PPP1R13B: variants seen among roughly 807,000 people sequenced by gnomAD.
The protein encoded by PPP1R13B is apoptosis-stimulating of p53 protein 1.
In PPP1R13B, 44 loss-of-function variants were observed where a neutral mutation model predicts 119.8. The ratio of observed to expected loss-of-function variants is 0.37; its 90% CI spans 0.29 to 0.47. The LOEUF (loss-of-function observed/expected upper bound fraction) is 0.47, where lower values mean the gene tolerates loss of function less well. Among genes scored for constraint, PPP1R13B ranks in the 20% least tolerant of loss-of-function variants. PPP1R13B has a pLI of 0.99. For missense variants in PPP1R13B, 1,227 were observed against 1,413.5 expected, an observed-to-expected ratio of 0.87 and a Z score of 2.12; for synonymous variants, 542 against 561.5, an observed-to-expected ratio of 0.97 and a Z score of 0.49.
intron 1 of PPP1R13B, among the ~76,000 whole-genome samples, chr14:103,843,105 C>T (rs1308485025): frequency 2.0e-5 from 3 of 152,182 alleles, no homozygotes; most frequent in South Asian, 2.1e-4. Flanking sequence ...GGTGCGGTGG[C>T]TCACGCCTGT....
intron 1 of PPP1R13B, among the ~76,000 whole-genome samples, chr14:103,825,130 G>T (rs551729445): frequency 6.6e-6 from 1 of 152,156 alleles, no homozygotes; most frequent in East Asian, 1.9e-4. Context: ...TATTGTAATT[G>T]CTTTGGGGCA....
chr14:103,832,780 G>C (rs773000567), intron 1 of PPP1R13B, among the ~76,000 whole-genome samples: 8 of 152,112 alleles, frequency 5.3e-5, no homozygotes, highest in African/African-American at 1.7e-4. Flanking sequence ...GTCAGAGTTC[G>C]AGACCAGCCT....
intron 1 of PPP1R13B, among the ~76,000 whole-genome samples, chr14:103,827,196 T>C (rs12891399): frequency 0.29 from 43,820 of 149,994 alleles, 6,766 homozygotes; most frequent in Non-Finnish European, 0.34. Flanking sequence ...TGGTGGCAGG[T>C]GTGGTGGCAC....
chr14:103,779,751 C>T (rs917149824), intron 3 of PPP1R13B, among the ~76,000 whole-genome samples: 5 of 152,044 alleles, frequency 3.3e-5, no homozygotes, highest in South Asian at 2.1e-4. Context: ...CGCACCATTG[C>T]GCTCCAGCCC....
At chr14:103,811,769 C>A (rs1376977842) in intron 1 of PPP1R13B, among the ~76,000 whole-genome samples, 1 of 151,412 alleles carries the variant, frequency 6.6e-6, no homozygotes, top group African/African-American at 2.4e-5. Flanking sequence ...CTCGCTCTGT[C>A]ACCCAGGCCG....
rs754068567 is a variant in PPP1R13B at position 103,740,453 on chromosome 14, C to T, written c.1963G>A (p.Ala655Thr). The T allele has an allele frequency of 5.5e-5, 89 of 1,607,028 alleles. No individual in the cohort carries two copies. Among genetic ancestry groups the T allele is most frequent in the Non-Finnish European group, 7.2e-5 (85 of 1,175,608 alleles). Residue 655 changes from alanine (A) to threonine (T), a missense_variant, in exon 12 of 17, where the codon GCC (alanine) becomes ACC (threonine). Coordinates refer to ENST00000202556, the MANE Select transcript of PPP1R13B (RefSeq NM_015316.3). This position sits in a 1 kb window ranked among gnomAD's most constrained non-coding sequence, Gnocchi z 4.6. ...TEKEPEQDGP[A>T]APADGSTVES... is the part of the protein sequence containing the mutation. ...ACGGTGCTGCCATCTGCGGGGGCGG[C>T]GGGGCCATCCTGCTCAGGCTCTTTC...
At chr14:103,747,640 G>A (rs2084419979) in intron 8 of PPP1R13B, among the ~76,000 whole-genome samples, 1 of 152,008 alleles carries the variant, frequency 6.6e-6, no homozygotes, top group Non-Finnish European at 1.5e-5. Flanking sequence ...CACACAATTT[G>A]TAGTCTTTTA....
chr14:103,767,020 G>A (rs1201628102), intron 4 of PPP1R13B, among the ~76,000 whole-genome samples: 3 of 152,162 alleles, frequency 2.0e-5, no homozygotes, highest in African/African-American at 4.8e-5. Context: ...TTTATTTTTG[G>A]AAGATTATGA....
chr14:103,740,568 C>A lies in PPP1R13B; in HGVS notation c.1848G>T (p.Ser616=), dbSNP rs778338882. The A allele has an allele frequency of 1.9e-6, 3 of 1,539,044 alleles. No homozygotes were observed. The change falls in exon 12 of 17, where the codon TCG becomes TCT. Residue 616 remains serine, a synonymous_variant. Coordinates refer to ENST00000202556, the MANE Select transcript of PPP1R13B (RefSeq NM_015316.3). This position sits in a 1 kb window ranked among gnomAD's most constrained non-coding sequence, Gnocchi z 4.6. ...KAVYGKPVLP[S]GSTSPSPLPF... Reference sequence around the variant, plus strand: ...GCAGCGGCGATGGAGAGGTTGAACCCGAAGGTAAAACGGGCTTACCATACA... The same window carrying A: ...GCAGCGGCGATGGAGAGGTTGAACCAGAAGGTAAAACGGGCTTACCATACA...
intron 4 of PPP1R13B, among the ~76,000 whole-genome samples, chr14:103,771,248 G>C (rs2085062418): frequency 6.6e-6 from 1 of 152,060 alleles, no homozygotes; most frequent in Non-Finnish European, 1.5e-5. Flanking sequence ...TTTCAGGAAA[G>C]GCCTGACTTT....
chr14:103,735,003 G>C lies in PPP1R13B; in HGVS notation c.*151C>G. 1.1e-6 allele frequency: 1 copy of C among 887,332 alleles called. No homozygotes were observed. Among genetic ancestry groups the C allele is most frequent in the South Asian group, 1.4e-5 (1 of 70,574 alleles). The allele number at this position is 887,332 out of a possible 1,614,324, so 55.0% of individuals were successfully genotyped here. A position where few individuals can be genotyped will look rare whatever the true frequency, so the allele number is the denominator to read the frequency against. ...CAAACTGGAGAAAGGGCCTCACCTG[G>C]AAACTGTAGGATTCACATTGTGGAC... On this transcript the variant is annotated 3_prime_UTR_variant, in exon 17 of 17. Transcript: ENST00000202556.
intron 1 of PPP1R13B, among the ~76,000 whole-genome samples, chr14:103,830,465 G>A (rs2086642632): frequency 6.6e-6 from 1 of 152,028 alleles, no homozygotes; most frequent in Non-Finnish European, 1.5e-5. Context: ...GTACTACTAT[G>A]CCCTCCATTT....
Position 103,738,932 on chromosome 14 carries a change from G to T in PPP1R13B, c.2684C>A (p.Ala895Glu), listed in dbSNP as rs1319044315. ...CAGATCGAACTCTCCTTCCAGAGAC[G>T]CGTCTAGGAGCAGTGCCAGGGGGTT... ...RFNPLALLLD[A>E]SLEGEFDLVQ... The change falls in exon 13 of 17, where the codon GCG (alanine) becomes GAG (glutamate). Residue 895 changes from alanine (A) to glutamate (E), a missense_variant. Ala to Glu is a moderately radical substitution (Grantham distance 107). Coordinates refer to ENST00000202556, the MANE Select transcript of PPP1R13B (RefSeq NM_015316.3). The surrounding 1 kb of genome is among the most constrained non-coding windows in gnomAD (Gnocchi z 5.6). 6.2e-7 allele frequency: 1 copy of T among 1,613,950 alleles called. No individual in the cohort carries two copies. The highest frequency in any genetic ancestry group is 1.3e-5 in the African/African-American group (1 of 74,930).
At chr14:103,739,471 A>G (rs900011563) in intron 12 of PPP1R13B, among the ~76,000 whole-genome samples, 8 of 152,168 alleles carry the variant, frequency 5.3e-5, no homozygotes, top group African/African-American at 1.9e-4. Flanking sequence ...TGCTCCGTCA[A>G]CACTGACCTC....
At chr14:103,807,080 C>T (rs143036793) in intron 1 of PPP1R13B, among the ~76,000 whole-genome samples, 5 of 152,312 alleles carry the variant, frequency 3.3e-5, no homozygotes, top group African/African-American at 1.2e-4. Context: ...CAGTGCTTAC[C>T]ACACTCTTCA....
intron 2 of PPP1R13B, among the ~76,000 whole-genome samples, chr14:103,789,158 A>C (rs2085547002): frequency 6.6e-6 from 1 of 152,210 alleles, no homozygotes; most frequent in South Asian, 2.1e-4. Flanking sequence ...TGGCTCTGCT[A>C]TTGTTAACAC....
At chr14:103,748,566 G>A (rs1003406534) in intron 8 of PPP1R13B, among the ~76,000 whole-genome samples, 1 of 152,220 alleles carries the variant, frequency 6.6e-6, no homozygotes, top group Non-Finnish European at 1.5e-5. Context: ...AGGAGAGTGG[G>A]TGCTCCATTC....
intron 4 of PPP1R13B, among the ~76,000 whole-genome samples, chr14:103,773,332 T>G (rs2085113007): frequency 6.6e-6 from 1 of 152,180 alleles, no homozygotes; most frequent in African/African-American, 2.4e-5. Context: ...GATAAAATAC[T>G]TCTCGAGATA....
chr14:103,754,992 C>T (rs2084640879), intron 5 of PPP1R13B, among the ~76,000 whole-genome samples: 1 of 152,096 alleles, frequency 6.6e-6, no homozygotes. Context: ...CTGTGTTAGC[C>T]AGGATGGTCT....
Sources: allele counts gnomAD v4.1 joint callset (sites outside exome capture counted in the v4.1 genomes callset), GRCh38; gene constraint gnomAD v4.1.1; non-coding constraint Gnocchi (gnomAD v3.1); transcripts MANE v1.5; gene names NCBI Gene and HGNC (gene_info 2026-07-23, HGNC 2026-07-21).